The following SLC9A5 variants were observed in gnomAD, a reference collection of about 807,000 sequenced individuals.
The protein encoded by SLC9A5 is solute carrier family 9 member A5.
A neutral mutation model predicts 91.7 loss-of-function variants in SLC9A5; 52 were observed. The observed-to-expected ratio is 0.57, with a 90% CI of 0.45 to 0.71. The LOEUF is 0.71. Ranked by LOEUF, SLC9A5 falls within the 30% of genes least tolerant of loss-of-function variation. The pLI is 0.00. For missense variants in SLC9A5, 871 were observed against 1,158.9 expected (o/e 0.75, Z 3.61); for synonymous variants, 419 against 474.5 (o/e 0.88, Z 1.52).
chr16:67,255,155 G>A lies in SLC9A5; in HGVS notation c.625G>A (p.Glu209Lys), dbSNP rs201517629. The A allele has an allele frequency of 5.6e-6, 9 of 1,613,836 alleles. No individual in the cohort carries two copies. Among genetic ancestry groups the A allele is most frequent in the Non-Finnish European group, 6.8e-6 (8 of 1,179,936 alleles). ...GACTCTCTTTATCATCGTCTTTGGCGAGTCCCTGCTCAACGATGCTGTCAC... is the reference window on the plus strand; with the variant it reads ...GACTCTCTTTATCATCGTCTTTGGCAAGTCCCTGCTCAACGATGCTGTCAC... ...NETLFIIVFG[E>K]SLLNDAVTVV... The change falls in exon 3 of 16, where the codon GAG becomes AAG. Residue 209 changes from glutamate to lysine, a missense_variant. Coordinates refer to ENST00000299798, the MANE Select transcript of SLC9A5 (RefSeq NM_004594.3). This position sits in a 1 kb window ranked among gnomAD's most constrained non-coding sequence, Gnocchi z 4.9.
At position 67,270,706 on chromosome 16, in the gene SLC9A5, G is replaced by A; in HGVS notation, c.2219-32G>A. 1 of 1,402,942 alleles carries A rather than the reference G, an allele frequency of 7.1e-7. No homozygotes were observed. The highest frequency in any genetic ancestry group is 1.3e-5 in the South Asian group (1 of 76,604). The allele number at this position is 1,402,942 out of a possible 1,614,324, so 86.9% of individuals were successfully genotyped here. ...TATACTTGAGATTTCCACTGTATTG[G>A]TAATGAGTTCATGTGTACTCTCTGT... is the stretch of plus-strand genomic sequence containing the variant. On this transcript the variant is annotated intron_variant, in intron 15 of 15. Transcript: ENST00000299798. The surrounding 1 kb of genome is among the most constrained non-coding windows in gnomAD (Gnocchi z 4.3).
Position 67,257,364 on chromosome 16 carries a change from T to C in SLC9A5, c.1355T>C (p.Leu452Pro), listed in dbSNP as rs1443488930. Residue 452 changes from leucine to proline, a missense_variant, in exon 8 of 16, where the codon CTG becomes CCG. By Grantham distance (98) the Leu-to-Pro change is moderately conservative. Transcript: ENST00000299798. This position sits in a 1 kb window ranked among gnomAD's most constrained non-coding sequence, Gnocchi z 5.1. ...CCATAGGGCTTGACCATCAAGCCAC[T>C]GGTCAAATGGCTGAAGGTGAAGAGG... ...VIVQGLTIKPLVKWLKVKRSE... is the reference protein window; with the variant it reads ...VIVQGLTIKPPVKWLKVKRSE... 1 of 1,614,166 alleles carries C rather than the reference T, an allele frequency of 6.2e-7. No homozygotes were observed. The highest frequency in any genetic ancestry group is 2.2e-5 in the East Asian group (1 of 44,880).
At chr16:67,268,710 A>ATG (rs1555500934) in intron 15 of SLC9A5, among the ~76,000 whole-genome samples, 1 of 89,772 alleles carries the variant, frequency 1.1e-5, no homozygotes, top group Non-Finnish European at 2.1e-5. Flanking sequence ...ATATATATAT[A>ATG]TTTTTACAGT....
chr16:67,270,767 A>C lies in SLC9A5; in HGVS notation c.2248A>C (p.Ile750Leu). 6.2e-7 allele frequency: 1 copy of C among 1,612,182 alleles called. No homozygotes were observed. The highest frequency in any genetic ancestry group is 8.5e-7 in the Non-Finnish European group (1 of 1,178,710). The change falls in exon 16 of 16, where the codon ATC becomes CTC. Residue 750 changes from isoleucine to leucine, a missense_variant. By Grantham distance (5) the Ile-to-Leu change is conservative (BLOSUM62 2). Coordinates refer to ENST00000299798, the MANE Select transcript of SLC9A5 (RefSeq NM_004594.3). This position sits in a 1 kb window ranked among gnomAD's most constrained non-coding sequence, Gnocchi z 4.3. ...CCTTGAGGTGTGCCCAAGCCCACGA[A>C]TCATTCCCCCCTCCCCAACCTGTGC... ...GSLEVCPSPR[I>L]IPPSPTCAEK...
chr16:67,258,385 G>A lies in SLC9A5; in HGVS notation c.1564G>A (p.Asp522Asn), dbSNP rs759593586. The change falls in exon 10 of 16, where the codon GAC becomes AAC. Residue 522 changes from aspartate (D) to asparagine (N), a missense_variant. Transcript: ENST00000299798. The surrounding 1 kb of genome is among the most constrained non-coding windows in gnomAD (Gnocchi z 4.5). The part of the protein sequence containing the change: ...LMRRSAYRIR[D>N]QIWDVYYRLN... ...GCGACGATCAGCCTACCGCATCCGG[G>A]ACCAGATCTGGGATGTGTACTACAG... 1 of 1,614,196 alleles carries A rather than the reference G, an allele frequency of 6.2e-7. No homozygotes were observed. The highest frequency in any genetic ancestry group is 1.1e-5 in the South Asian group (1 of 91,076).
chr16:67,255,206 C>A lies in SLC9A5; in HGVS notation c.654+22C>A. The A allele has an allele frequency of 2.5e-6, 4 of 1,606,928 alleles. No individual in the cohort carries two copies. Among genetic ancestry groups the A allele is most frequent in the Non-Finnish European group, 3.4e-6 (4 of 1,175,260 alleles). The stretch of plus-strand genomic sequence containing the variant: ...CGTGGTGAGCGTGCTCAGCTGACTG[C>A]CATTCCCTGACCCCAGGCTGCATGC... On this transcript the variant is annotated intron_variant, in intron 3 of 15. Coordinates refer to ENST00000299798, the MANE Select transcript of SLC9A5 (RefSeq NM_004594.3). The surrounding 1 kb of genome is among the most constrained non-coding windows in gnomAD (Gnocchi z 4.9).
At chr16:67,251,888 T>C (rs2035136143) in intron 1 of SLC9A5, among the ~76,000 whole-genome samples, 1 of 152,170 alleles carries the variant, frequency 6.6e-6, no homozygotes, top group Admixed American at 6.5e-5. Flanking sequence ...TTTACAGCTT[T>C]CTTACATATA....
intron 2 of SLC9A5, among the ~76,000 whole-genome samples, chr16:67,254,547 C>T (rs1253837144): frequency 5.0e-5 from 7 of 141,176 alleles, no homozygotes; most frequent in Non-Finnish European, 1.1e-4. Context: ...CAGGCCTGCA[C>T]CACTGCGCCT....
rs2035529063 is a variant in SLC9A5 at position 67,261,503 on chromosome 16, C to T, written c.1842+1557C>T. On this transcript the variant is annotated intron_variant, in intron 12 of 15. Transcript: ENST00000299798. ...ACTTTATCTTAAAACAAACTCCAGACATCGTATCACATCATCTCAAAATAT... is the reference window on the plus strand; with the variant it reads ...ACTTTATCTTAAAACAAACTCCAGATATCGTATCACATCATCTCAAAATAT... The T allele has an allele frequency of 2.0e-5, 3 of 152,220 alleles. No individual in the cohort carries two copies. The South Asian group carries it at 6.2e-4, about 31-fold the overall frequency. 9.4% of individuals were successfully genotyped at this position (152,220 alleles called of 1,614,324 possible).
Position 67,256,662 on chromosome 16 carries a change from AT to A in SLC9A5, c.1106del (p.Ile369ThrfsTer11). 6.2e-7 allele frequency: 1 copy of A among 1,613,308 alleles called. No individual in the cohort carries two copies. On this transcript the variant is annotated frameshift_variant, in exon 6 of 16. Transcript: ENST00000299798. LOFTEE classifies it high-confidence loss of function. This position sits in a 1 kb window ranked among gnomAD's most constrained non-coding sequence, Gnocchi z 4.1. ...TTCTGGGCTGGTGCTGGGCACCCTC[AT>A]CTTCATCCTGTTCTTCCGAGCCCTC... ...WDSGLVLGTL[I>X]FILFFRALGV...
Position 67,255,708 on chromosome 16 carries a change from A to G in SLC9A5, c.734-45A>G. ...AGGCAGCAGTCTTGTCAGCCCGGGTAGGGTCCGGGCCAGGGGTCATGCTGA... is the reference window on the plus strand; with the variant it reads ...AGGCAGCAGTCTTGTCAGCCCGGGTGGGGTCCGGGCCAGGGGTCATGCTGA... On this transcript the variant is annotated intron_variant, in intron 4 of 15. Coordinates refer to ENST00000299798, the MANE Select transcript of SLC9A5 (RefSeq NM_004594.3). The surrounding 1 kb of genome is among the most constrained non-coding windows in gnomAD (Gnocchi z 4.9). 1 of 1,516,912 alleles carries G rather than the reference A, an allele frequency of 6.6e-7. No individual in the cohort carries two copies. Among genetic ancestry groups the G allele is most frequent in the East Asian group, 2.5e-5 (1 of 40,578 alleles). The allele number at this position is 1,516,912 out of a possible 1,614,324, so 94.0% of individuals were successfully genotyped here.
At position 67,249,137 on chromosome 16, in the gene SLC9A5, G is replaced by T; in HGVS notation, c.123G>T (p.Trp41Cys). The change falls in exon 1 of 16, where the codon TGG becomes TGT. Residue 41 changes from tryptophan (W) to cysteine (C), a missense_variant. Transcript: ENST00000299798. ...PPGLELFRWQ[W>C]HEVEAPYLVA... ...GCTTAGAGCTCTTCCGCTGGCAGTG[G>T]CACGAGGTGGAGGCGCCCTACCTGG... is the stretch of plus-strand genomic sequence containing the variant. 1 of 1,560,080 alleles carries T rather than the reference G, an allele frequency of 6.4e-7. No individual in the cohort carries two copies.
chr16:67,270,310 C>T lies in SLC9A5; in HGVS notation c.2219-428C>T, dbSNP rs542107061. 4.7e-4 allele frequency among the ~76,000 whole-genome samples: 72 copies of T among 152,232 alleles called. 1 individual carries two copies. The highest frequency in any genetic ancestry group is 1.3e-3 in the African/African-American group (55 of 41,546). On this transcript the variant is annotated intron_variant, in intron 15 of 15. Coordinates refer to ENST00000299798, the MANE Select transcript of SLC9A5 (RefSeq NM_004594.3). The surrounding 1 kb of genome is among the most constrained non-coding windows in gnomAD (Gnocchi z 4.3). ...AAGTGATTCTCTTGCCTCAGCCTCC[C>T]GAGTACCTGGGATTACAGGCGTGTG...
Position 67,252,234 on chromosome 16 carries a change from G to A in SLC9A5, c.188-308G>A, listed in dbSNP as rs2035152075. Among the ~76,000 whole-genome samples, 1 of 152,128 alleles carries A rather than the reference G, an allele frequency of 6.6e-6. No homozygotes were observed. The highest frequency in any genetic ancestry group is 2.4e-5 in the African/African-American group (1 of 41,408). On this transcript the variant is annotated intron_variant, in intron 1 of 15. Coordinates refer to ENST00000299798, the MANE Select transcript of SLC9A5 (RefSeq NM_004594.3). This position sits in a 1 kb window ranked among gnomAD's most constrained non-coding sequence, Gnocchi z 4.0. The stretch of plus-strand genomic sequence containing the variant: ...GGAGGCCAAGGTGGGCGGATCATGA[G>A]GTCAGGAGTTCAAGACCAGCCTGGC...
In SLC9A5 at chr16:67,270,685, C is replaced by A; in HGVS notation, c.2219-53C>A. On this transcript the variant is annotated intron_variant, in intron 15 of 15. Coordinates refer to ENST00000299798, the MANE Select transcript of SLC9A5 (RefSeq NM_004594.3). This position sits in a 1 kb window ranked among gnomAD's most constrained non-coding sequence, Gnocchi z 4.3. Reference sequence around the variant, plus strand: ...ATGAATTTATAAGAATGTGCTTATACTTGAGATTTCCACTGTATTGGTAAT... The same window carrying A: ...ATGAATTTATAAGAATGTGCTTATAATTGAGATTTCCACTGTATTGGTAAT... 1.6e-6 allele frequency: 2 copies of A among 1,245,896 alleles called. No homozygotes were observed. The highest frequency in any genetic ancestry group is 2.2e-6 in the Non-Finnish European group (2 of 903,062). The allele number at this position is 1,245,896 out of a possible 1,614,324, so 77.2% of individuals were successfully genotyped here.
At chr16:67,269,040 T>A (rs1190470241) in intron 15 of SLC9A5, among the ~76,000 whole-genome samples, 1 of 152,052 alleles carries the variant, frequency 6.6e-6, no homozygotes, top group African/African-American at 2.4e-5. Flanking sequence ...GAAACCTGCT[T>A]ATTTGTCCTA....
chr16:67,250,878 G>T (rs981427067), intron 1 of SLC9A5, among the ~76,000 whole-genome samples: 4 of 152,140 alleles, frequency 2.6e-5, no homozygotes, highest in Admixed American at 1.3e-4. Context: ...TTCGCTTGTG[G>T]TCTGAGGACT....
At position 67,258,471 on chromosome 16, in the gene SLC9A5, GC is replaced by G. The variant is rs766579638; in HGVS notation, c.1626+26del. ...AGGTGGGCCAGCAGCTTCCAGGTGG[GC>G]CAGTGGTGGGTGGGCAGATGGTCAG... On this transcript the variant is annotated intron_variant, in intron 10 of 15. Coordinates refer to ENST00000299798, the MANE Select transcript of SLC9A5 (RefSeq NM_004594.3). This position sits in a 1 kb window ranked among gnomAD's most constrained non-coding sequence, Gnocchi z 4.5. The G allele has an allele frequency of 5.6e-6, 9 of 1,613,642 alleles. No homozygotes were observed. The highest frequency in any genetic ancestry group is 6.8e-6 in the Non-Finnish European group (8 of 1,179,868).
Position 67,271,113 on chromosome 16 carries a change from T to A in SLC9A5, c.2594T>A (p.Leu865Gln). The A allele has an allele frequency of 6.2e-7, 1 of 1,613,748 alleles. No individual in the cohort carries two copies. The highest frequency in any genetic ancestry group is 8.5e-7 in the Non-Finnish European group (1 of 1,179,990). Residue 865 changes from leucine (L) to glutamine (Q), a missense_variant, in exon 16 of 16, where the codon CTG becomes CAG. This residue lies in a region of SLC9A5 where 295 missense variants were observed against 326.0 expected (regional missense o/e 0.90). Coordinates refer to ENST00000299798, the MANE Select transcript of SLC9A5 (RefSeq NM_004594.3). ...GCTGACCTCCCCCAGCAGCAGGAGCTGCAGCCCCTCATGGGCCACAAGGAC... is the reference window on the plus strand; with the variant it reads ...GCTGACCTCCCCCAGCAGCAGGAGCAGCAGCCCCTCATGGGCCACAAGGAC... The part of the protein sequence containing the change: ...SSADLPQQQE[L>Q]QPLMGHKDHT...
Sources: gnomAD v4.1 joint callset for allele counts (sites outside exome capture counted in the v4.1 genomes callset) on GRCh38, gnomAD v4.1.1 for gene constraint, gnomAD v4.1.1 regional missense constraint, Gnocchi (gnomAD v3.1) non-coding constraint, MANE v1.5 for transcripts, NCBI Gene and HGNC (gene_info 2026-07-23, HGNC 2026-07-21) for gene names.